Variants in NFIL3 observed in about 807,000 individuals in gnomAD.
NFIL3 encodes nuclear factor, interleukin 3 regulated, also known as nuclear factor interleukin-3-regulated protein.
In NFIL3, 5 loss-of-function variants were observed where a neutral mutation model predicts 10.0. The observed-to-expected ratio is 0.50, with a 90% CI of 0.26 to 1.06. The LOEUF is 1.06. NFIL3 is among the 50% of genes least tolerant of loss of function. The pLI is 0.13. For synonymous variants in NFIL3, 202 were observed against 206.5 expected (o/e 0.98, Z 0.19); for missense variants, 436 against 547.6 (o/e 0.80, Z 2.03).
chr9:91,434,452 A>G, the NFIL3 span, among the ~76,000 whole-genome samples: 7 of 152,228 alleles, frequency 4.6e-5, no homozygotes, highest in African/African-American at 7.2e-5. Context: ...AAGCATAAAA[A>G]TATTCCCGTA....
At chr9:91,415,458 T>A (rs1833636381) in intron 1 of NFIL3, among the ~76,000 whole-genome samples, 1 of 152,154 alleles carries the variant, frequency 6.6e-6, no homozygotes, top group South Asian at 2.1e-4. Context: ...CAGGCCCAGT[T>A]CCTTTACTCT....
At chr9:91,438,068 T>C in the NFIL3 span, among the ~76,000 whole-genome samples, 1 of 152,178 alleles carries the variant, frequency 6.6e-6, no homozygotes, top group Non-Finnish European at 1.5e-5. Flanking sequence ...ATTTTTAATT[T>C]TTTTGGAAAC....
the NFIL3 span, among the ~76,000 whole-genome samples, chr9:91,452,403 A>G: frequency 6.6e-6 from 1 of 152,060 alleles, no homozygotes; most frequent in African/African-American, 2.4e-5. Context: ...CCCCATTTTC[A>G]GTTGTCCTAC....
chr9:91,429,196 T>C, the NFIL3 span, among the ~76,000 whole-genome samples: 233 of 152,292 alleles, frequency 1.5e-3, 1 homozygote, highest in African/African-American at 5.3e-3. Flanking sequence ...CACAGGATAG[T>C]TTACTGGAAA....
chr9:91,420,786 G>C (rs1226818636), intron 1 of NFIL3, among the ~76,000 whole-genome samples: 1 of 152,136 alleles, frequency 6.6e-6, no homozygotes, highest in Non-Finnish European at 1.5e-5. Context: ...TTTATGCGAG[G>C]ATGAAAGTAC....
the NFIL3 span, among the ~76,000 whole-genome samples, chr9:91,459,762 C>T: frequency 6.6e-6 from 1 of 152,072 alleles, no homozygotes; most frequent in Non-Finnish European, 1.5e-5. Flanking sequence ...CTATAAAATC[C>T]TTGATGCGGG....
chr9:91,423,068 G>A (rs900746392), intron 1 of NFIL3, among the ~76,000 whole-genome samples: 4 of 152,160 alleles, frequency 2.6e-5, no homozygotes, highest in Non-Finnish European at 5.9e-5. Context: ...GACAAACAGG[G>A]TGGAAAACGT....
chr9:91,478,229 T>C, the NFIL3 span, among the ~76,000 whole-genome samples: 2 of 152,152 alleles, frequency 1.3e-5, no homozygotes. Context: ...TCCTGGATAA[T>C]ATCCTGAAGA....
the NFIL3 span, among the ~76,000 whole-genome samples, chr9:91,443,536 A>G: frequency 7.2e-3 from 1,097 of 152,362 alleles, 11 homozygotes; most frequent in African/African-American, 0.026. Context: ...GAGGAGGCCA[A>G]GGCGGCAGGG....
the NFIL3 span, among the ~76,000 whole-genome samples, chr9:91,465,679 G>A: frequency 6.6e-6 from 1 of 151,392 alleles, no homozygotes; most frequent in Non-Finnish European, 1.5e-5. Flanking sequence ...TAAATTTTTT[G>A]TGGAATGCTT....
the NFIL3 span, among the ~76,000 whole-genome samples, chr9:91,479,509 G>T: frequency 2.6e-5 from 4 of 151,848 alleles, no homozygotes; most frequent in African/African-American, 7.3e-5. Flanking sequence ...CCAAGCTCGA[G>T]CATCCCAGAT....
intron 1 of NFIL3, among the ~76,000 whole-genome samples, chr9:91,422,142 T>C (rs1833782601): frequency 6.6e-6 from 1 of 152,220 alleles, no homozygotes; most frequent in East Asian, 1.9e-4. Context: ...AGCAGTTTCC[T>C]AAAGTGTCCT....
chr9:91,424,590 GA>G (rs1390055190), upstream of NFIL3, among the ~76,000 whole-genome samples: 1 of 152,202 alleles, frequency 6.6e-6, no homozygotes, highest in East Asian at 1.9e-4. Context: ...AGCCGGGAGG[GA>G]AAGCTCCACG....
the NFIL3 span, among the ~76,000 whole-genome samples, chr9:91,459,350 T>A: frequency 6.6e-6 from 1 of 152,204 alleles, no homozygotes; most frequent in Non-Finnish European, 1.5e-5. Flanking sequence ...TTATGTTGGA[T>A]CTTGCTTCCT....
chr9:91,454,691 T>C, the NFIL3 span, among the ~76,000 whole-genome samples: 1 of 151,726 alleles, frequency 6.6e-6, no homozygotes, highest in African/African-American at 2.4e-5. Flanking sequence ...AATTAGCAGC[T>C]TGTGGTGGCA....
At chr9:91,461,852 A>G in the NFIL3 span, among the ~76,000 whole-genome samples, 5 of 152,278 alleles carry the variant, frequency 3.3e-5, no homozygotes, top group East Asian at 7.7e-4. Flanking sequence ...AAAGGAACCT[A>G]GAGGAAAGGC....
the NFIL3 span, among the ~76,000 whole-genome samples, chr9:91,469,893 G>T: frequency 6.6e-6 from 1 of 151,780 alleles, no homozygotes; most frequent in Non-Finnish European, 1.5e-5. Context: ...ACTTGATCAT[G>T]GTGGATAAGC....
the NFIL3 span, among the ~76,000 whole-genome samples, chr9:91,439,111 C>G: frequency 2.6e-5 from 4 of 152,128 alleles, no homozygotes; most frequent in Non-Finnish European, 5.9e-5. Context: ...CTTTGGTTAA[C>G]AGACAATTTA....
chr9:91,477,654 T>A, the NFIL3 span, among the ~76,000 whole-genome samples: 1 of 151,674 alleles, frequency 6.6e-6, no homozygotes, highest in Admixed American at 6.6e-5. Flanking sequence ...GGGGAAAAAA[T>A]TTCAAGCACG....
Sources: gnomAD v4.1 joint callset for allele counts (sites outside exome capture counted in the v4.1 genomes callset) on GRCh38, gnomAD v4.1.1 for gene constraint, MANE v1.5 for transcripts, NCBI Gene and HGNC (gene_info 2026-07-23, HGNC 2026-07-21) for gene names.